KIF3C: variants seen among roughly 807,000 people sequenced by gnomAD.
KIF3C encodes kinesin-like protein KIF3C.
In KIF3C, 12 loss-of-function variants were observed where a neutral mutation model predicts 67.7. That is an observed-to-expected ratio of 0.18 (90% confidence interval 0.11 to 0.29). The LOEUF (loss-of-function observed/expected upper bound fraction) is 0.29. Among genes scored for constraint, KIF3C ranks in the 10% least tolerant of loss-of-function variants. The pLI is 1.00. For synonymous variants in KIF3C, 393 were observed against 426.2 expected, an observed-to-expected ratio of 0.92 and a Z score of 0.96; for missense variants, 789 against 1,059.6, an observed-to-expected ratio of 0.74 and a Z score of 3.55.
intron 5 of KIF3C, among the ~76,000 whole-genome samples, chr2:25,943,366 G>T (rs1029344375): frequency 2.0e-5 from 3 of 152,064 alleles, no homozygotes; most frequent in Admixed American, 2.0e-4. Flanking sequence ...GAGGGACATG[G>T]GGCAGATGAC....
At chr2:25,948,528 A>G (rs565614080) in intron 5 of KIF3C, among the ~76,000 whole-genome samples, 1 of 152,106 alleles carries the variant, frequency 6.6e-6, no homozygotes, top group Non-Finnish European at 1.5e-5. Context: ...TGACAGAGTG[A>G]GACTCAAGAA....
At chr2:25,952,017 C>T in intron 4 of KIF3C, 112 bp from the exon 5 acceptor site, 1 of 721,840 alleles carries the variant, frequency 1.4e-6, no homozygotes, top group South Asian at 1.6e-5. Flanking sequence ...GGGGGCTGGG[C>T]ACGGTGGCTC....
chr2:25,962,446 C>T (rs896722637), intron 1 of KIF3C, among the ~76,000 whole-genome samples: 2 of 151,788 alleles, frequency 1.3e-5, no homozygotes, highest in Non-Finnish European at 2.9e-5. Context: ...ATGGCACGAT[C>T]TCGGCTCACG....
intron 1 of KIF3C, among the ~76,000 whole-genome samples, chr2:25,978,215 C>A (rs1664465917): frequency 6.6e-6 from 1 of 152,152 alleles, no homozygotes; most frequent in African/African-American, 2.4e-5. Flanking sequence ...CTGCCTATCA[C>A]CCAGGGTCAC....
chr2:25,929,013 A>G lies in KIF3C; in HGVS notation c.2347T>C (p.Ser783Pro). Residue 783 changes from serine (S) to proline (P), a missense_variant, in exon 8 of 8, where the codon TCT (serine) becomes CCT (proline). Ser to Pro is a moderately conservative substitution (Grantham distance 74). Around this residue, in one of 2 missense-constraint regions of KIF3C, gnomAD observed 648 missense variants for 807.8 expected, o/e 0.80. Coordinates refer to ENST00000264712, the MANE Select transcript of KIF3C (RefSeq NM_002254.8). The stretch of plus-strand genomic sequence containing the variant: ...TCCGCCACTGTTGCAGGGCGCAGAG[A>G]AGCAGAGGCCAGGGAGGCATGTGTG... The part of the protein sequence containing the change: ...STTHASLASA[S>P]LRPATVADHE The G allele has an allele frequency of 6.2e-7, 1 of 1,613,770 alleles. No homozygotes were observed. Among genetic ancestry groups the G allele is most frequent in the Non-Finnish European group, 8.5e-7 (1 of 1,179,942 alleles).
At chr2:25,956,221 C>G in intron 2 of KIF3C, 122 bp downstream of exon 2, 1 of 757,130 alleles carries the variant, frequency 1.3e-6, no homozygotes, top group Non-Finnish European at 2.2e-6. Flanking sequence ...GGTGGCATGT[C>G]TGAGATTCTC....
At chr2:25,956,495 T>C in intron 1 of KIF3C, 51 bp from the exon 2 acceptor site, 5 of 1,408,206 alleles carry the variant, frequency 3.6e-6, no homozygotes, top group South Asian at 3.5e-5. Flanking sequence ...GTCCACAACA[T>C]TGCTAGCTGG....
rs1574488466 is a variant in KIF3C at position 25,955,476 on chromosome 2, C to T, written c.1770+65G>A. ...AATGGGGAGGAGTCCCTGAAGCACA[C>T]ATCCCTTGGGCAGAGACTGCTGGGC... On this transcript the variant is annotated intron_variant, in intron 3 of 7. Coordinates refer to ENST00000264712, the MANE Select transcript of KIF3C (RefSeq NM_002254.8). This position sits in a 1 kb window ranked among gnomAD's most constrained non-coding sequence, Gnocchi z 5.0. 2 of 1,585,492 alleles carry T rather than the reference C, an allele frequency of 1.3e-6. No homozygotes were observed. Among genetic ancestry groups the T allele is most frequent in the Non-Finnish European group, 8.6e-7 (1 of 1,160,944 alleles).
At chr2:25,930,504 A>ACG (rs2090450366) in intron 5 of KIF3C, among the ~76,000 whole-genome samples, 1 of 152,102 alleles carries the variant, frequency 6.6e-6, no homozygotes, top group Admixed American at 6.6e-5. Flanking sequence ...GATTACAGGC[A>ACG]TGCACCACCA....
intron 5 of KIF3C, among the ~76,000 whole-genome samples, chr2:25,950,238 A>T (rs1663561341): frequency 7.0e-6 from 1 of 143,278 alleles, no homozygotes; most frequent in African/African-American, 2.6e-5. Context: ...TTTTTTTGAG[A>T]CGGAGTCTTG....
Position 25,951,790 on chromosome 2 carries a change from C to A in KIF3C, c.2005G>T (p.Val669Phe). 1 of 1,609,762 alleles carries A rather than the reference C, an allele frequency of 6.2e-7. No individual in the cohort carries two copies. Among genetic ancestry groups the A allele is most frequent in the Non-Finnish European group, 8.5e-7 (1 of 1,176,548 alleles). Reference sequence around the variant, plus strand: ...CAGACAGCTGGGTTAGAGACTCACACGCCGGCTGGCACCAGTGGCTGGAAC... The same window carrying A: ...CAGACAGCTGGGTTAGAGACTCACAAGCCGGCTGGCACCAGTGGCTGGAAC... ...WKFQPLVPAG[V>F]SSSQMKKRPT... is the part of the protein sequence containing the mutation. Residue 669 changes from valine (V) to phenylalanine (F), a missense_variant and splice_region_variant, in exon 5 of 8, where the codon GTC becomes TTC. By Grantham distance (50) the Val-to-Phe change is conservative. Around this residue, in one of 2 missense-constraint regions of KIF3C, gnomAD observed 648 missense variants for 807.8 expected, o/e 0.80. Transcript: ENST00000264712.
intron 5 of KIF3C, among the ~76,000 whole-genome samples, chr2:25,948,307 C>A (rs1426542304): frequency 6.6e-6 from 1 of 152,064 alleles, no homozygotes; most frequent in Non-Finnish European, 1.5e-5. Flanking sequence ...GTGATCCCAA[C>A]CCTGGGAGGC....
intron 1 of KIF3C, among the ~76,000 whole-genome samples, chr2:25,959,744 T>C (rs1458293919): frequency 1.3e-5 from 2 of 152,092 alleles, no homozygotes; most frequent in Non-Finnish European, 2.9e-5. Flanking sequence ...CCGGCCACCT[T>C]GGGCTCTCTT....
At chr2:25,959,069 C>T (rs1450684804) in intron 1 of KIF3C, among the ~76,000 whole-genome samples, 3 of 151,928 alleles carry the variant, frequency 2.0e-5, no homozygotes, top group Non-Finnish European at 4.4e-5. Flanking sequence ...AGCAAAACTC[C>T]GTCTCAAAAA....
At chr2:25,962,798 A>T (rs1663988959) in intron 1 of KIF3C, among the ~76,000 whole-genome samples, 1 of 94,106 alleles carries the variant, frequency 1.1e-5, no homozygotes, top group Non-Finnish European at 1.9e-5. Flanking sequence ...AATATATATT[A>T]TATAATATAT....
intron 5 of KIF3C, chr2:25,951,360 A>C (rs1663607576): frequency 5.9e-6 from 1 of 170,608 alleles, no homozygotes; most frequent in Admixed American, 5.7e-5. Context: ...AGCTCGGACC[A>C]TGTCTAATTT....
chr2:25,933,255 C>T (rs944977806), intron 5 of KIF3C, among the ~76,000 whole-genome samples: 8 of 147,366 alleles, frequency 5.4e-5, no homozygotes, highest in Admixed American at 2.0e-4. Context: ...TGCAAGACTC[C>T]GTTTCAAAAA....
At chr2:25,931,791 C>T (rs572473284) in intron 5 of KIF3C, among the ~76,000 whole-genome samples, 2 of 152,110 alleles carry the variant, frequency 1.3e-5, no homozygotes, top group Admixed American at 6.6e-5. Flanking sequence ...GCAAACACCA[C>T]CACACCCGGC....
Position 25,980,411 on chromosome 2 carries a change from C to CCCG in KIF3C, c.1504_1506dup (p.Arg502dup). On this transcript the variant is annotated inframe_insertion, in exon 1 of 8. Coordinates refer to ENST00000264712, the MANE Select transcript of KIF3C (RefSeq NM_002254.8). The surrounding 1 kb of genome is among the most constrained non-coding windows in gnomAD (Gnocchi z 7.6). ...GCAAGCAGCTCTGTGGCCTGCTGTT[C>CCCG]CCGCCGCAGGTCCTCCAGCATCTTC... The CCCG allele has an allele frequency of 6.2e-7, 1 of 1,613,944 alleles. No homozygotes were observed. The highest frequency in any genetic ancestry group is 8.5e-7 in the Non-Finnish European group (1 of 1,179,934).
Sources: allele counts gnomAD v4.1 joint callset (sites outside exome capture counted in the v4.1 genomes callset), GRCh38; gene constraint gnomAD v4.1.1; regional missense constraint gnomAD v4.1.1; non-coding constraint Gnocchi (gnomAD v3.1); transcripts MANE v1.5; gene names NCBI Gene and HGNC (gene_info 2026-07-23, HGNC 2026-07-21).